GNA12: variants seen among roughly 807,000 people sequenced by gnomAD.
GNA12 encodes guanine nucleotide-binding protein subunit alpha-12.
Under a neutral mutation model 26.0 loss-of-function variants are expected in GNA12, and 9 were observed. That is an observed-to-expected ratio of 0.35 (90% CI 0.21 to 0.60). The LOEUF (loss-of-function observed/expected upper bound fraction) is 0.60. Ranked by LOEUF, GNA12 falls within the 20% of genes least tolerant of loss-of-function variation. The probability of loss-of-function intolerance (pLI) is 0.78; values close to 1 mark genes in which losing one functional copy is unlikely to be tolerated. For synonymous variants in GNA12, 264 were observed against 219.6 expected (o/e 1.20, Z -1.79); for missense variants, 405 against 525.8 (o/e 0.77, Z 2.25).
chr7:2,832,585 G>C (rs577538587), intron 1 of GNA12, among the ~76,000 whole-genome samples: 2 of 152,298 alleles, frequency 1.3e-5, no homozygotes, highest in Non-Finnish European at 2.9e-5. Context: ...GGCTTAAGTA[G>C]CTATTGATTA....
At chr7:2,796,732 T>A (rs534415050) in intron 1 of GNA12, among the ~76,000 whole-genome samples, 3 of 152,294 alleles carry the variant, frequency 2.0e-5, no homozygotes, top group African/African-American at 7.2e-5. Flanking sequence ...ATAAAGTTAA[T>A]GTTGTTCTGC....
chr7:2,806,457 C>CA (rs34036056), intron 1 of GNA12, among the ~76,000 whole-genome samples: 3,998 of 80,302 alleles, frequency 0.05, 226 homozygotes, highest in African/African-American at 0.12. Flanking sequence ...GACTCTGTCT[C>CA]AAAAAAAAAA....
At chr7:2,739,530 T>C (rs1054399040) in intron 2 of GNA12, among the ~76,000 whole-genome samples, 1 of 152,228 alleles carries the variant, frequency 6.6e-6, no homozygotes, top group African/African-American at 2.4e-5. Flanking sequence ...GGTTTGTTTT[T>C]CCATTTGTCA....
At chr7:2,799,009 T>C (rs1046501190) in intron 1 of GNA12, among the ~76,000 whole-genome samples, 24 of 152,194 alleles carry the variant, frequency 1.6e-4, no homozygotes, top group African/African-American at 5.5e-4. Flanking sequence ...TCACAGCTTA[T>C]ACAAAATCAA....
At chr7:2,806,380 G>A (rs1397893377) in intron 1 of GNA12, among the ~76,000 whole-genome samples, 6 of 150,532 alleles carry the variant, frequency 4.0e-5, no homozygotes, top group Non-Finnish European at 8.9e-5. Context: ...CCAGCTACTC[G>A]GGAGGCAGAG....
chr7:2,767,631 T>C (rs1395796904), intron 2 of GNA12, among the ~76,000 whole-genome samples: 2 of 152,242 alleles, frequency 1.3e-5, no homozygotes, highest in East Asian at 3.8e-4. Context: ...AACTCTTGGC[T>C]GGCGCGTTTC....
In GNA12 at chr7:2,816,294, G is replaced by A. The variant is rs151307757; in HGVS notation, c.310-21151C>T. On this transcript the variant is annotated intron_variant, in intron 1 of 3. Coordinates refer to ENST00000275364, the MANE Select transcript of GNA12 (RefSeq NM_007353.3). The stretch of plus-strand genomic sequence containing the variant: ...CGCCCAGGCTGGAGTGCAATGGCAC[G>A]GTCTTGGCTCACTGCGACCACCACC... 2.3e-3 allele frequency among the ~76,000 whole-genome samples: 352 copies of A among 150,348 alleles called. 1 individual carries two copies. The highest frequency in any genetic ancestry group is 8.1e-3 in the African/African-American group (333 of 41,020).
At chr7:2,826,676 A>C (rs1019811168) in intron 1 of GNA12, among the ~76,000 whole-genome samples, 5 of 152,236 alleles carry the variant, frequency 3.3e-5, no homozygotes, top group African/African-American at 1.2e-4. Context: ...TAAGTGAAAG[A>C]AGCCCATGTG....
chr7:2,797,046 C>G (rs530374572), intron 1 of GNA12, among the ~76,000 whole-genome samples: 3 of 152,220 alleles, frequency 2.0e-5, no homozygotes, highest in Non-Finnish European at 4.4e-5. Flanking sequence ...CTGGAAAAGC[C>G]TTCTCATCTC....
intron 2 of GNA12, among the ~76,000 whole-genome samples, chr7:2,791,536 G>A (rs1432869039): frequency 6.6e-6 from 1 of 152,222 alleles, no homozygotes; most frequent in African/African-American, 2.4e-5. Flanking sequence ...AAGCAAGACG[G>A]CAGAGGGAAC....
intron 2 of GNA12, among the ~76,000 whole-genome samples, chr7:2,787,858 G>C (rs1243942530): frequency 2.0e-5 from 3 of 152,196 alleles, no homozygotes; most frequent in Non-Finnish European, 4.4e-5. Flanking sequence ...ACGGCAGAGA[G>C]AAAACAAATG....
chr7:2,822,948 T>A (rs1583309624), intron 1 of GNA12, among the ~76,000 whole-genome samples: 1 of 152,202 alleles, frequency 6.6e-6, no homozygotes, highest in African/African-American at 2.4e-5. Context: ...AGATTCACTA[T>A]CAGTCCTCTG....
In GNA12 at chr7:2,829,485, G is replaced by A. The variant is rs181413379; in HGVS notation, c.309+14368C>T. On this transcript the variant is annotated intron_variant, in intron 1 of 3. Transcript: ENST00000275364. Reference sequence around the variant, plus strand: ...TACTATTCAGTTCCTTCCTGTCTCCGATGCACCTATGAGATCTATGACGAT... The same window carrying A: ...TACTATTCAGTTCCTTCCTGTCTCCAATGCACCTATGAGATCTATGACGAT... Among the ~76,000 whole-genome samples, 143 of 152,254 alleles carry A rather than the reference G, an allele frequency of 9.4e-4. 1 individual carries two copies. Among genetic ancestry groups the A allele is most frequent in the African/African-American group, 3.6e-4 (15 of 41,540 alleles).
chr7:2,764,529 C>T (rs1236437846), intron 2 of GNA12: 1 of 152,188 alleles, frequency 6.6e-6, no homozygotes, highest in Non-Finnish European at 1.5e-5. Context: ...TGGTCGGGCT[C>T]AGCGTTTACT....
chr7:2,735,568 G>C (rs1370505117), intron 2 of GNA12, among the ~76,000 whole-genome samples: 1 of 152,164 alleles, frequency 6.6e-6, no homozygotes, highest in East Asian at 1.9e-4. Context: ...CCCTCGGTGT[G>C]AGTCTAAACA....
intron 2 of GNA12, among the ~76,000 whole-genome samples, chr7:2,752,983 C>A (rs372248862): frequency 6.6e-6 from 1 of 152,180 alleles, no homozygotes; most frequent in Non-Finnish European, 1.5e-5. Flanking sequence ...CGGTCTCCCT[C>A]GTGCTACCAA....
chr7:2,828,375 G>A (rs999228729), intron 1 of GNA12, among the ~76,000 whole-genome samples: 6 of 152,108 alleles, frequency 3.9e-5, no homozygotes, highest in African/African-American at 1.4e-4. Flanking sequence ...TCAGAGACAG[G>A]GTCTCACTCT....
intron 2 of GNA12, among the ~76,000 whole-genome samples, chr7:2,782,407 CTG>C (rs1340008266): frequency 1.3e-5 from 2 of 152,194 alleles, no homozygotes; most frequent in African/African-American, 4.8e-5. Flanking sequence ...CATCAACTCT[CTG>C]TGTTTGGAAA....
rs116323154 is a variant in GNA12 at position 2,834,772 on chromosome 7, C to T, written c.309+9081G>A. Among the ~76,000 whole-genome samples the T allele has an allele frequency of 5.5e-3, 838 of 152,242 alleles. 8 individuals carry two copies. The highest frequency in any genetic ancestry group is 0.019 in the African/African-American group (790 of 41,526). ...AATGCTTGCCATTGTGCTACAATGG[C>T]CCACAGTATTCAGTATAGTAACATG... is the stretch of plus-strand genomic sequence containing the variant. On this transcript the variant is annotated intron_variant, in intron 1 of 3. Transcript: ENST00000275364.
Sources: allele counts gnomAD v4.1 joint callset (sites outside exome capture counted in the v4.1 genomes callset), GRCh38; gene constraint gnomAD v4.1.1; transcripts MANE v1.5; gene names NCBI Gene and HGNC (gene_info 2026-07-23, HGNC 2026-07-21).